The following CCDC73 variants were observed in gnomAD, a reference collection of about 807,000 sequenced individuals.
CCDC73 encodes coiled-coil domain-containing protein 73.
A neutral mutation model predicts 116.5 loss-of-function variants in CCDC73; 95 were observed. That is an observed-to-expected ratio of 0.82 (90% CI 0.69 to 0.97). CCDC73 has a LOEUF of 0.97. CCDC73 is among the 50% of genes least tolerant of loss of function. The pLI is 0.00. For missense variants in CCDC73, 1,066 were observed against 1,206.8 expected, an observed-to-expected ratio of 0.88 and a Z score of 1.73; for synonymous variants, 398 against 401.3, an observed-to-expected ratio of 0.99 and a Z score of 0.10.
At chr11:32,737,793 A>ATT (rs201924135) in intron 2 of CCDC73, among the ~76,000 whole-genome samples, 2 of 148,602 alleles carry the variant, frequency 1.3e-5, no homozygotes, top group African/African-American at 2.6e-5. Flanking sequence ...ATTCAGTCTT[A>ATT]TTTTTTTTTG....
chr11:32,732,842 A>G (rs1375297795), intron 2 of CCDC73, among the ~76,000 whole-genome samples: 2 of 152,228 alleles, frequency 1.3e-5, no homozygotes, highest in African/African-American at 4.8e-5. Context: ...CCTCGATGCT[A>G]GGAAGAAACT....
intron 1 of CCDC73, among the ~76,000 whole-genome samples, chr11:32,788,560 G>A (rs1198040699): frequency 1.3e-5 from 2 of 149,932 alleles, no homozygotes; most frequent in Non-Finnish European, 2.9e-5. Context: ...CTGCAGCCCC[G>A]ACCTCCGGAG....
intron 8 of CCDC73, 37 bp from the exon 9 acceptor site, chr11:32,675,681 C>G: frequency 6.9e-7 from 1 of 1,451,226 alleles, no homozygotes. Context: ...GCATTATATT[C>G]AATGTATATT....
chr11:32,829,785 G>C, the CCDC73 span: 1 of 985,386 alleles, frequency 1.0e-6, no homozygotes, highest in African/African-American at 1.7e-5. Context: ...CCCGGGGATG[G>C]GGCAGAAGCT....
In CCDC73 at chr11:32,616,042, C is replaced by G. The variant is rs1217975604; in HGVS notation, c.1273G>C (p.Glu425Gln). Residue 425 changes from glutamate to glutamine, a missense_variant, in exon 15 of 18, where the codon GAA (glutamate) becomes CAA (glutamine). Physicochemically the swap from Glu to Gln is conservative, Grantham distance 29. Transcript: ENST00000335185. ...TTCTCCATATTTTCTTCCCTTATTT[C>G]TTGCTCAGTATTATATTTCTGTATA... is the stretch of plus-strand genomic sequence containing the variant. ...TIIQKYNTEQ[E>Q]IREENMENFC... 6.2e-7 allele frequency: 1 copy of G among 1,602,186 alleles called. No homozygotes were observed. Among genetic ancestry groups the G allele is most frequent in the Admixed American group, 1.7e-5 (1 of 58,368 alleles).
At chr11:32,723,187 A>G (rs1850004587) in intron 2 of CCDC73, among the ~76,000 whole-genome samples, 1 of 152,230 alleles carries the variant, frequency 6.6e-6, no homozygotes, top group South Asian at 2.1e-4. Flanking sequence ...AACATCTCAA[A>G]ATAAAAACTA....
At chr11:32,810,851 C>T in the CCDC73 span, among the ~76,000 whole-genome samples, 1 of 152,114 alleles carries the variant, frequency 6.6e-6, no homozygotes, top group Non-Finnish European at 1.5e-5. Flanking sequence ...TCTTCTGAGG[C>T]CAGGCACAGT....
intron 13 of CCDC73, 82 bp downstream of exon 13, chr11:32,641,890 A>G: frequency 9.3e-7 from 1 of 1,077,998 alleles, no homozygotes; most frequent in Non-Finnish European, 1.2e-6. Flanking sequence ...TATTTTTGCA[A>G]TATTTTCTTA....
intron 1 of CCDC73, among the ~76,000 whole-genome samples, chr11:32,785,191 T>C (rs1033414640): frequency 1.4e-4 from 22 of 152,082 alleles, no homozygotes; most frequent in African/African-American, 5.3e-4. Context: ...CAGAACAGTG[T>C]AGATTAAACT....
intron 14 of CCDC73, among the ~76,000 whole-genome samples, chr11:32,633,709 G>A (rs546965146): frequency 5.9e-5 from 9 of 152,286 alleles, no homozygotes; most frequent in Non-Finnish European, 1.3e-4. Flanking sequence ...GCTCATTAGA[G>A]ACTCAGCACC....
At chr11:32,739,598 G>C (rs1348627075) in intron 2 of CCDC73, among the ~76,000 whole-genome samples, 2 of 152,180 alleles carry the variant, frequency 1.3e-5, no homozygotes, top group East Asian at 3.9e-4. Flanking sequence ...GTTTTTGGTG[G>C]AATCTTTAGG....
chr11:32,793,740 A>T (rs1850697459), intron 1 of CCDC73, among the ~76,000 whole-genome samples: 1 of 151,980 alleles, frequency 6.6e-6, no homozygotes, highest in Non-Finnish European at 1.5e-5. Context: ...CCTCCTGAGT[A>T]GCTGGGACTA....
At chr11:32,683,213 A>G in intron 7 of CCDC73, 1 of 326,168 alleles carries the variant, frequency 3.1e-6, no homozygotes, top group South Asian at 2.7e-5. Flanking sequence ...TCTAAAGTCC[A>G]AAATACTCCA....
chr11:32,643,495 C>T (rs1019668611), intron 12 of CCDC73, among the ~76,000 whole-genome samples: 2 of 152,058 alleles, frequency 1.3e-5, no homozygotes, highest in Admixed American at 6.5e-5. Flanking sequence ...TAATGGTATA[C>T]GTAGACTATA....
upstream of CCDC73, among the ~76,000 whole-genome samples, chr11:32,795,177 T>G (rs1850713751): frequency 6.6e-6 from 1 of 152,146 alleles, no homozygotes; most frequent in Non-Finnish European, 1.5e-5. Context: ...AAAATAAATG[T>G]TAGCCGGGTG....
At chr11:32,629,677 A>G (rs1220173435) in intron 14 of CCDC73, among the ~76,000 whole-genome samples, 6 of 151,552 alleles carry the variant, frequency 4.0e-5, no homozygotes, top group Non-Finnish European at 7.4e-5. Context: ...GTACAGGCGT[A>G]AGCCTCCGTG....
chr11:32,785,682 G>C (rs1358083787), intron 1 of CCDC73, among the ~76,000 whole-genome samples: 1 of 152,128 alleles, frequency 6.6e-6, no homozygotes. Context: ...AGGATTACAG[G>C]CATGAGCCAC....
chr11:32,614,809 C>T lies in CCDC73; in HGVS notation c.1509G>A (p.Ser503=), dbSNP rs1014566922. 5 of 1,613,160 alleles carry T rather than the reference C, an allele frequency of 3.1e-6. No homozygotes were observed. The highest frequency in any genetic ancestry group is 2.2e-5 in the South Asian group (2 of 91,044). The part of the protein sequence containing the change: ...DKEVISQGQT[S]NVTDNRKSVT... ...CTGATTTTCTGTTGTCCGTAACATT[C>T]GAGGTTTGTCCTTGACTAATTACTT... Residue 503 remains serine (S), a synonymous_variant, in exon 16 of 18, where the codon TCG becomes TCA. Coordinates refer to ENST00000335185, the MANE Select transcript of CCDC73 (RefSeq NM_001008391.4).
At chr11:32,737,194 ATTCT>A (rs1565088945) in intron 2 of CCDC73, among the ~76,000 whole-genome samples, 2 of 150,016 alleles carry the variant, frequency 1.3e-5, no homozygotes, top group Non-Finnish European at 1.5e-5. Context: ...CTTTTAAAAC[ATTCT>A]TTATTTTTAA....
Sources: allele counts gnomAD v4.1 joint callset (sites outside exome capture counted in the v4.1 genomes callset), GRCh38; gene constraint gnomAD v4.1.1; transcripts MANE v1.5; gene names NCBI Gene and HGNC (gene_info 2026-07-23, HGNC 2026-07-21).